JAK1: variants seen among roughly 807,000 people sequenced by gnomAD.
JAK1 encodes Janus kinase 1, also known as tyrosine-protein kinase JAK1.
In JAK1, 16 loss-of-function variants were observed where a neutral mutation model predicts 136.6. That is an observed-to-expected ratio of 0.12 (90% CI 0.08 to 0.18). The LOEUF (loss-of-function observed/expected upper bound fraction) is 0.18. Among genes scored for constraint, JAK1 ranks in the 10% least tolerant of loss-of-function variants. The probability of loss-of-function intolerance (pLI) is 1.00; values close to 1 mark genes in which losing one functional copy is unlikely to be tolerated. For missense variants in JAK1, 859 were observed against 1,450.1 expected, an observed-to-expected ratio of 0.59 and a Z score of 6.62; for synonymous variants, 492 against 519.5, an observed-to-expected ratio of 0.95 and a Z score of 0.72.
intron 9 of JAK1, among the ~76,000 whole-genome samples, chr1:64,858,127 CT>C (rs1656059897): frequency 6.6e-6 from 1 of 152,224 alleles, no homozygotes; most frequent in Non-Finnish European, 1.5e-5. Context: ...CCCTCCACCC[CT>C]AGCCAGCCCA....
At position 65,053,053 on chromosome 1, in the gene JAK1, A is replaced by AAAAAAAAG. The variant is rs1553185113; in HGVS notation, c.-180-8472_-180-8471insCTTTTTTT. 2.0e-3 allele frequency among the ~76,000 whole-genome samples: 265 copies of AAAAAAAAG among 133,772 alleles called. 14 individuals carry two copies. Among genetic ancestry groups the AAAAAAAAG allele is most frequent in the African/African-American group, 7.2e-3 (253 of 35,270 alleles). 87.8% of individuals were successfully genotyped at this position (133,772 alleles called of 152,430 possible). On this transcript the variant is annotated intron_variant, in intron 1 of 25. Coordinates refer to the JAK1 transcript ENST00000671954. ...CTCAAAAAAAAAAAAAAAAAAAAAA[A>AAAAAAAAG]AAAGACTAGAGGCTGGGCACAGTGG...
chr1:64,978,960 C>T (rs561955852), intron 2 of JAK1, among the ~76,000 whole-genome samples: 1 of 152,156 alleles, frequency 6.6e-6, no homozygotes, highest in South Asian at 2.1e-4. Flanking sequence ...ATCAAAATTC[C>T]GTGCATCTTT....
intron 2 of JAK1, among the ~76,000 whole-genome samples, chr1:64,997,717 G>C (rs1037166388): frequency 9.9e-5 from 15 of 152,138 alleles, no homozygotes; most frequent in African/African-American, 3.6e-4. Flanking sequence ...GGAGTGTGGG[G>C]CTGTCGGGGA....
chr1:64,940,305 T>A (rs570973587), intron 1 of JAK1, among the ~76,000 whole-genome samples: 2 of 147,568 alleles, frequency 1.4e-5, no homozygotes, highest in South Asian at 4.3e-4. Flanking sequence ...ACCTAGCTTA[T>A]ACCAATTTCA....
chr1:64,987,842 G>T (rs1209464494), intron 2 of JAK1, among the ~76,000 whole-genome samples: 1 of 152,136 alleles, frequency 6.6e-6, no homozygotes, highest in Non-Finnish European at 1.5e-5. Context: ...CACAGAAGAT[G>T]GACTGTCTGG....
chr1:64,946,070 C>A (rs149207521), intron 1 of JAK1, among the ~76,000 whole-genome samples: 16 of 152,144 alleles, frequency 1.1e-4, no homozygotes, highest in Middle Eastern at 6.8e-3. Context: ...CAATACAGTA[C>A]CTATGCCAAA....
chr1:65,024,925 C>T lies in JAK1; in HGVS notation c.-78+19555G>A, dbSNP rs754588700. Among the ~76,000 whole-genome samples the T allele has an allele frequency of 1.3e-3, 200 of 152,082 alleles. 2 individuals carry two copies. The highest frequency in any genetic ancestry group is 2.5e-3 in the Non-Finnish European group (168 of 67,964). ...CCGGGAGGTAGAGGATGCAGTGAGC[C>T]GAGATCGTGCCATTGCACTCTAGCC... On this transcript the variant is annotated intron_variant, in intron 2 of 25. Transcript: ENST00000671954.
chr1:64,836,219 G>GA lies in JAK1; in HGVS notation c.3141-5dup, dbSNP rs1448165501. On this transcript the variant is annotated splice_region_variant and splice_polypyrimidine_tract_variant and intron_variant, in intron 22 of 24. Coordinates refer to ENST00000342505, the MANE Select transcript of JAK1 (RefSeq NM_002227.4). ...CATTAAACATTCTGGAGCATACCTT[G>GA]AAAGGAAGCAGAACACAAAACTTCA... The GA allele has an allele frequency of 1.3e-6, 2 of 1,548,392 alleles. No individual in the cohort carries two copies. The highest frequency in any genetic ancestry group is 1.8e-6 in the Non-Finnish European group (2 of 1,120,838).
chr1:65,051,312 G>A (rs898899168), intron 1 of JAK1, among the ~76,000 whole-genome samples: 2 of 152,054 alleles, frequency 1.3e-5, no homozygotes, highest in African/African-American at 4.8e-5. Flanking sequence ...AAAAAAGGGT[G>A]TCTATATTCC....
chr1:64,872,457 CT>C (rs1035045345), intron 5 of JAK1, among the ~76,000 whole-genome samples: 13 of 152,224 alleles, frequency 8.5e-5, no homozygotes, highest in East Asian at 1.9e-4. Context: ...TCAAACCCCC[CT>C]GTCCATATTC....
intron 1 of JAK1, among the ~76,000 whole-genome samples, chr1:64,911,620 C>G (rs968087378): frequency 6.6e-6 from 1 of 152,210 alleles, no homozygotes; most frequent in African/African-American, 2.4e-5. Context: ...TAACCCAATG[C>G]CCTTCCATTA....
chr1:64,835,252 G>C, intron 24 of JAK1, 144 bp downstream of exon 24: 1 of 521,782 alleles, frequency 1.9e-6, no homozygotes, highest in East Asian at 3.3e-5. Flanking sequence ...GTTATCTTAT[G>C]TGAAATTCAG....
chr1:64,943,704 AT>A (rs1645930070), intron 1 of JAK1, among the ~76,000 whole-genome samples: 1 of 152,156 alleles, frequency 6.6e-6, no homozygotes, highest in Non-Finnish European at 1.5e-5. Flanking sequence ...GAAATGAGTG[AT>A]TGATGTGAGT....
chr1:64,834,795 G>C, intron 24 of JAK1, 138 bp from the exon 25 acceptor site: 1 of 614,544 alleles, frequency 1.6e-6, no homozygotes, highest in Non-Finnish European at 2.9e-6. Context: ...AAGAGTATTT[G>C]AATAGTTTAA....
At chr1:65,023,400 G>T (rs1270471531) in intron 2 of JAK1, among the ~76,000 whole-genome samples, 1 of 152,172 alleles carries the variant, frequency 6.6e-6, no homozygotes, top group East Asian at 1.9e-4. Flanking sequence ...TTGGCCAACA[G>T]ATTTCGATAA....
chr1:65,040,726 T>C (rs1413063576), intron 2 of JAK1, among the ~76,000 whole-genome samples: 1 of 152,172 alleles, frequency 6.6e-6, no homozygotes, highest in Non-Finnish European at 1.5e-5. Flanking sequence ...CTCTGGTTTT[T>C]CTGTATTCAT....
chr1:64,955,742 G>C (rs1202794883), intron 1 of JAK1, among the ~76,000 whole-genome samples: 7 of 152,232 alleles, frequency 4.6e-5, no homozygotes. Context: ...AGTGCGCAAT[G>C]ATAGATCACC....
intron 15 of JAK1, 113 bp downstream of exon 15, chr1:64,845,400 T>A: frequency 8.1e-7 from 1 of 1,237,876 alleles, no homozygotes; most frequent in Non-Finnish European, 1.2e-6. Flanking sequence ...CCTGGCCCCA[T>A]GGAACCCAAG....
intron 1 of JAK1, among the ~76,000 whole-genome samples, chr1:64,928,778 C>CAAAAAAAAAAAAAAAACAAAAAAAAAAA (rs1645627421): frequency 1.6e-5 from 1 of 61,148 alleles, no homozygotes; most frequent in Non-Finnish European, 3.1e-5. Flanking sequence ...TAAAACTCTG[C>CAAAAAAAAAAAAAAAACAAAAAAAAAAA]AAAAAAAAAA....
Sources: allele counts gnomAD v4.1 joint callset (sites outside exome capture counted in the v4.1 genomes callset), GRCh38; gene constraint gnomAD v4.1.1; transcripts MANE v1.5; gene names NCBI Gene and HGNC (gene_info 2026-07-23, HGNC 2026-07-21).